Variants in REEP2 observed in about 807,000 individuals in gnomAD.
The protein encoded by REEP2 is receptor accessory protein 2.
A neutral mutation model predicts 32.1 loss-of-function variants in REEP2; 9 were observed. The ratio of observed to expected loss-of-function variants is 0.28; its 90% CI spans 0.17 to 0.49. REEP2 has a LOEUF of 0.49. REEP2 is among the 20% of genes least tolerant of loss of function. The pLI, the probability that REEP2 is intolerant of heterozygous loss-of-function variation, is 0.99. For synonymous variants in REEP2, 128 were observed against 139.1 expected (o/e 0.92, Z 0.56); for missense variants, 236 against 338.0 (o/e 0.70, Z 2.37).
intron 1 of REEP2, chr5:138,439,636 G>A (rs1449911210): frequency 2.1e-6 from 1 of 467,630 alleles, no homozygotes; most frequent in South Asian, 1.5e-5. Flanking sequence ...AGGTAACAGG[G>A]TGATGGAAGA....
At chr5:138,444,670 C>A in intron 4 of REEP2, 84 bp from the exon 5 acceptor site, 2 of 1,560,906 alleles carry the variant, frequency 1.3e-6, no homozygotes, top group South Asian at 1.1e-5. Context: ...CGTGGCCTCC[C>A]GGAGCAGGCA....
At chr5:138,440,909 G>A in intron 1 of REEP2, 107 bp from the exon 2 acceptor site, 1 of 1,582,564 alleles carries the variant, frequency 6.3e-7, no homozygotes, top group Admixed American at 1.7e-5. Context: ...GTCCAGCGGG[G>A]AGTTCTGTCT....
intron 5 of REEP2, 87 bp downstream of exon 5, chr5:138,444,954 G>A: frequency 1.4e-5 from 14 of 982,530 alleles, no homozygotes; most frequent in East Asian, 2.6e-5. Context: ...CCCTGTACTC[G>A]GGGCTGTAGA....
intron 3 of REEP2, 127 bp from the exon 4 acceptor site, chr5:138,444,288 C>A (rs1763881264): frequency 8.8e-7 from 1 of 1,139,192 alleles, no homozygotes; most frequent in Admixed American, 2.2e-5. Context: ...TCCCATGAGC[C>A]CCATGGGGAC....
At chr5:138,439,621 G>C (rs192077894) in intron 1 of REEP2, 9 of 474,814 alleles carry the variant, frequency 1.9e-5, no homozygotes, top group Admixed American at 9.3e-5. Context: ...CTGTCCCTCT[G>C]GGGGAGGTAA....
intron 1 of REEP2, chr5:138,439,561 C>T (rs1367295972): frequency 2.0e-6 from 1 of 496,220 alleles, no homozygotes; most frequent in African/African-American, 1.9e-5. Flanking sequence ...AGGCGCGTCC[C>T]CTCCCCCACC....
chr5:138,440,852 G>A, intron 1 of REEP2, 164 bp from the exon 2 acceptor site: 1 of 1,360,112 alleles, frequency 7.4e-7, no homozygotes, highest in Non-Finnish European at 9.8e-7. Flanking sequence ...ACCTGGCTGG[G>A]CATGTTCCAT....
chr5:138,439,092 T>G lies in REEP2; in HGVS notation c.-117T>G. On this transcript the variant is annotated 5_prime_UTR_variant, in exon 1 of 8. Transcript: ENST00000378339. ...GCTCCGCTGCCCCCGCGGCGGCTGC[T>G]GCAGCGGCTGCTGCTGCTACTGCGG... 1 of 408,484 alleles carries G rather than the reference T, an allele frequency of 2.4e-6. No individual in the cohort carries two copies. The highest frequency in any genetic ancestry group is 3.6e-6 in the Non-Finnish European group (1 of 274,998). 25.3% of individuals were successfully genotyped at this position (408,484 alleles called of 1,614,324 possible). A position where few individuals can be genotyped will look rare whatever the true frequency, so the allele number is the denominator to read the frequency against.
chr5:138,439,578 G>C (rs902780266), intron 1 of REEP2: 38 of 504,250 alleles, frequency 7.5e-5, no homozygotes, highest in Non-Finnish European at 1.2e-4. Context: ...CACCTAGCAG[G>C]TCTGGGCTGG....
At chr5:138,443,743 GTTGTCAGGCTGGTC>G (rs1435337594) in intron 3 of REEP2, 1 of 152,074 alleles carries the variant, frequency 6.6e-6, no homozygotes, top group African/African-American at 2.4e-5. Context: ...GTTTTGCTGT[GTTGTCAGGCTGGTC>G]TTGAACTCCT....
intron 3 of REEP2, among the ~76,000 whole-genome samples, chr5:138,442,677 A>G (rs1763847109): frequency 6.6e-6 from 1 of 152,052 alleles, no homozygotes. Flanking sequence ...AATACGGTGA[A>G]ACCCCATCTC....
chr5:138,443,448 G>A (rs1236694028), intron 3 of REEP2: 1 of 124,032 alleles, frequency 8.1e-6, no homozygotes, highest in East Asian at 2.6e-4. Context: ...CAACAAGAAC[G>A]AGACTCTGTC....
chr5:138,445,009 G>A, intron 5 of REEP2, 142 bp downstream of exon 5: 1 of 763,612 alleles, frequency 1.3e-6, no homozygotes, highest in Non-Finnish European at 2.1e-6. Flanking sequence ...AGGCTCTACT[G>A]CTATCTGGCC....
At chr5:138,442,164 CTACG>C (rs1763838104) in intron 3 of REEP2, among the ~76,000 whole-genome samples, 1 of 152,172 alleles carries the variant, frequency 6.6e-6, no homozygotes, top group Non-Finnish European at 1.5e-5. Flanking sequence ...CTGTACTAGA[CTACG>C]TATGTATGAG....
Position 138,445,851 on chromosome 5 carries a change from A to C in REEP2, c.*100A>C. 2.9e-5 allele frequency: 35 copies of C among 1,200,706 alleles called. No individual in the cohort carries two copies. Among genetic ancestry groups the C allele is most frequent in the Non-Finnish European group, 3.9e-5 (33 of 856,946 alleles). The allele number at this position is 1,200,706 out of a possible 1,614,324, so 74.4% of individuals were successfully genotyped here. A position where few individuals can be genotyped will look rare whatever the true frequency, so the allele number is the denominator to read the frequency against. On this transcript the variant is annotated 3_prime_UTR_variant, in exon 8 of 8. Transcript: ENST00000378339. ...ACTGTGCCAGTAGCCTAGGTGTCTC[A>C]GGCCCCTGGGCCCCGCAGATGGCCA...
At chr5:138,445,031 A>T in intron 5 of REEP2, 164 bp downstream of exon 5, 1 of 777,736 alleles carries the variant, frequency 1.3e-6, no homozygotes, top group Non-Finnish European at 2.0e-6. Context: ...AGTCACTTTG[A>T]TTGTCCGGCC....
At chr5:138,440,944 C>T in intron 1 of REEP2, 72 bp from the exon 2 acceptor site, 4 of 1,602,370 alleles carry the variant, frequency 2.5e-6, no homozygotes, top group Non-Finnish European at 2.5e-6. Flanking sequence ...TACCCAGGGG[C>T]TGATGCGGAG....
At chr5:138,442,926 TGA>T (rs1341393423) in intron 3 of REEP2, among the ~76,000 whole-genome samples, 15 of 150,688 alleles carry the variant, frequency 1.0e-4, no homozygotes, top group Non-Finnish European at 1.9e-4. Context: ...CTTGGGAGGC[TGA>T]GACAGGAGAA....
chr5:138,445,144 G>A, intron 5 of REEP2, 84 bp from the exon 6 acceptor site: 1 of 1,442,052 alleles, frequency 6.9e-7, no homozygotes, highest in Non-Finnish European at 9.3e-7. Flanking sequence ...CACCGAGCCT[G>A]GGGCTGCTGC....
Sources: allele counts gnomAD v4.1 joint callset (sites outside exome capture counted in the v4.1 genomes callset), GRCh38; gene constraint gnomAD v4.1.1; transcripts MANE v1.5; gene names NCBI Gene and HGNC (gene_info 2026-07-23, HGNC 2026-07-21).